The following EVC variants were observed in gnomAD, a reference collection of about 807,000 sequenced individuals.
EVC encodes the protein EvC ciliary complex subunit 1.
In EVC, 116 loss-of-function variants were observed where a neutral mutation model predicts 118.9. The ratio of observed to expected loss-of-function variants is 0.98; its 90% confidence interval spans 0.84 to 1.14. The LOEUF is 1.14. EVC is among the 50% of genes most tolerant of loss of function. The probability of loss-of-function intolerance (pLI) is 0.00; values close to 1 mark genes in which losing one functional copy is unlikely to be tolerated. For missense variants in EVC, 1,401 were observed against 1,246.4 expected (o/e 1.12, Z -1.87); for synonymous variants, 619 against 534.7 (o/e 1.16, Z -2.18).
chr4:5,791,922 C>A (rs894529994), intron 12 of EVC, among the ~76,000 whole-genome samples: 13 of 152,202 alleles, frequency 8.5e-5, no homozygotes, highest in African/African-American at 2.9e-4. Context: ...TCTAACCCCT[C>A]TACACATTCT....
At chr4:5,826,691 G>T in the EVC span, 1 of 152,318 alleles carries the variant, frequency 6.6e-6, no homozygotes, top group Non-Finnish European at 1.5e-5. Flanking sequence ...TCAGGGACCT[G>T]TACAGGGTCC....
chr4:5,722,238 CTCAA>C (rs1271007495), intron 2 of EVC, among the ~76,000 whole-genome samples: 1 of 152,160 alleles, frequency 6.6e-6, no homozygotes, highest in Non-Finnish European at 1.5e-5. Flanking sequence ...GGAATAAGTG[CTCAA>C]TCAGTGTTTG....
In EVC at chr4:5,754,326, G is replaced by A. The variant is rs770556047; in HGVS notation, c.1464+393G>A. On this transcript the variant is annotated intron_variant, in intron 10 of 20. Transcript: ENST00000264956. The surrounding 1 kb of genome is among the most constrained non-coding windows in gnomAD (Gnocchi z 5.8). ...CACACCCAGGGACAGGGCCCTTGTG[G>A]GTCGGCTGCAAGTCCAGGAGAAGGA... Among the ~76,000 whole-genome samples the A allele has an allele frequency of 3.9e-5, 6 of 152,162 alleles. No homozygotes were observed. The highest frequency in any genetic ancestry group is 7.4e-5 in the Non-Finnish European group (5 of 68,026).
At chr4:5,763,378 A>T (rs1321523437) in intron 11 of EVC, among the ~76,000 whole-genome samples, 1 of 147,360 alleles carries the variant, frequency 6.8e-6, no homozygotes, top group East Asian at 2.0e-4. Context: ...TGACTTGGCG[A>T]TGTGGGCTCT....
chr4:5,752,561 G>C, intron 8 of EVC: 1 of 549,620 alleles, frequency 1.8e-6, no homozygotes, highest in East Asian at 3.2e-5. Context: ...CCTCCTAGGA[G>C]GGTGGCCCTC....
intron 11 of EVC, among the ~76,000 whole-genome samples, chr4:5,782,674 A>T (rs760647679): frequency 1.3e-5 from 2 of 151,800 alleles, no homozygotes; most frequent in African/African-American, 2.4e-5. Context: ...GATGAAGGCA[A>T]CAGAATGATA....
At chr4:5,753,174 T>C in intron 9 of EVC, 122 bp downstream of exon 9, 1 of 949,692 alleles carries the variant, frequency 1.1e-6, no homozygotes. Context: ...AGGCTGCCTT[T>C]CTGCTTCTGC....
chr4:5,726,568 C>CTTTTTTTTTTTTTTT (rs34483285), intron 2 of EVC, among the ~76,000 whole-genome samples: 2 of 134,512 alleles, frequency 1.5e-5, no homozygotes, highest in South Asian at 2.4e-4. Context: ...CTTCTCTTTT[C>CTTTTTTTTTTTTTTT]TTTTTTTTTT....
chr4:5,765,328 T>A (rs1732700770), intron 11 of EVC, among the ~76,000 whole-genome samples: 1 of 115,496 alleles, frequency 8.7e-6, no homozygotes, highest in Non-Finnish European at 1.9e-5. Context: ...TCCAAGTATG[T>A]GGTCAATTTT....
chr4:5,770,064 AGGG>A (rs775791340), intron 11 of EVC, among the ~76,000 whole-genome samples: 10 of 152,176 alleles, frequency 6.6e-5, no homozygotes, highest in Non-Finnish European at 1.0e-4. Context: ...ATAGGGCTCG[AGGG>A]GGGCTCTCTG....
chr4:5,825,815 TCA>T, the EVC span: 1 of 693,530 alleles, frequency 1.4e-6, no homozygotes, highest in African/African-American at 1.9e-5. This position sits in a 1 kb window ranked among gnomAD's most constrained non-coding sequence, Gnocchi z 4.4. Context: ...CAGGTGCACT[TCA>T]CACACATGCA....
chr4:5,814,269 TATG>T lies in EVC; in HGVS notation c.*3237_*3239del. The T allele has an allele frequency of 6.6e-6, 1 of 152,392 alleles. No individual in the cohort carries two copies. The highest frequency in any genetic ancestry group is 1.5e-5 in the Non-Finnish European group (1 of 68,056). The allele number at this position is 152,392 out of a possible 1,614,324, so 9.4% of individuals were successfully genotyped here. ...AAGGGGACCATGAGAGATGATGTAT[TATG>T]ATGAACTCATGATTTAATTCTTTGG... On this transcript the variant is annotated 3_prime_UTR_variant, in exon 21 of 21. Transcript: ENST00000264956.
In EVC at chr4:5,711,294, C is replaced by A; in HGVS notation, c.-87C>A. 1 of 923,400 alleles carries A rather than the reference C, an allele frequency of 1.1e-6. No homozygotes were observed. The highest frequency in any genetic ancestry group is 1.3e-6 in the Non-Finnish European group (1 of 770,494). 57.2% of individuals were successfully genotyped at this position (923,400 alleles called of 1,614,324 possible). Reference sequence around the variant, plus strand: ...GGAGCGGGCCGCGCCCCTGGCCCGCCCGGGCTCCAAGTCCCGCGTCGCCGC... The same window carrying A: ...GGAGCGGGCCGCGCCCCTGGCCCGCACGGGCTCCAAGTCCCGCGTCGCCGC... On this transcript the variant is annotated 5_prime_UTR_variant, in exon 1 of 21. Coordinates refer to ENST00000264956, the MANE Select transcript of EVC (RefSeq NM_153717.3).
At chr4:5,724,924 T>G (rs368491978) in intron 2 of EVC, among the ~76,000 whole-genome samples, 10 of 151,936 alleles carry the variant, frequency 6.6e-5, no homozygotes, top group African/African-American at 2.4e-4. Flanking sequence ...CAACCCAATG[T>G]GTCTATGTGT....
At chr4:5,794,274 T>C (rs1460457671) in intron 13 of EVC, among the ~76,000 whole-genome samples, 1 of 141,682 alleles carries the variant, frequency 7.1e-6, no homozygotes, top group Non-Finnish European at 1.5e-5. Context: ...TATATTTATA[T>C]ATATTTATAT....
the EVC span, among the ~76,000 whole-genome samples, chr4:5,820,299 ATCACCACCATCATTACTG>A: frequency 5.3e-3 from 805 of 151,572 alleles, 4 homozygotes; most frequent in Non-Finnish European, 8.2e-3. Flanking sequence ...CATCATCACC[ATCACCACCATCATTACTG>A]TCACCACCAT....
In EVC at chr4:5,748,244, C is replaced by G. The variant is rs1388312435; in HGVS notation, c.1036C>G (p.Leu346Val). 6 of 1,614,026 alleles carry G rather than the reference C, an allele frequency of 3.7e-6. No homozygotes were observed. Among genetic ancestry groups the G allele is most frequent in the African/African-American group, 1.3e-5 (1 of 74,910 alleles). ...SSKARQLMMT[L>V]TERMIAAEGL... ...CAAAGCCCGACAGCTGATGATGACT[C>G]TGACGGAAAGAATGATTGCAGCCGA... Residue 346 changes from leucine (L) to valine (V), a missense_variant, in exon 8 of 21, where the codon CTG (leucine) becomes GTG (valine). By Grantham distance (32) the Leu-to-Val change is conservative. Transcript: ENST00000264956.
At chr4:5,824,357 C>G in the EVC span, 1 of 985,376 alleles carries the variant, frequency 1.0e-6, no homozygotes, top group Non-Finnish European at 1.2e-6. Context: ...CCATCAAAGT[C>G]TTATGGAGAG....
intron 9 of EVC, 31 bp from the exon 10 acceptor site, chr4:5,753,754 C>T (rs774390669): frequency 1.9e-6 from 3 of 1,614,132 alleles, no homozygotes; most frequent in South Asian, 2.2e-5. Flanking sequence ...CACAGAGTCA[C>T]CTCCTATGCT....
Sources: allele counts gnomAD v4.1 joint callset (sites outside exome capture counted in the v4.1 genomes callset), GRCh38; gene constraint gnomAD v4.1.1; non-coding constraint Gnocchi (gnomAD v3.1); transcripts MANE v1.5; gene names NCBI Gene and HGNC (gene_info 2026-07-23, HGNC 2026-07-21).